The following PRELID2 variants were observed in gnomAD, a reference collection of about 807,000 sequenced individuals.
The protein encoded by PRELID2 is PRELI domain-containing protein 2.
In PRELID2, 25 loss-of-function variants were observed where a neutral mutation model predicts 28.4. The ratio of observed to expected loss-of-function variants is 0.88; its 90% CI spans 0.64 to 1.23. The LOEUF is 1.23. PRELID2 is among the 50% of genes most tolerant of loss of function. The probability of loss-of-function intolerance (pLI) is 0.00; values close to 1 mark genes in which losing one functional copy is unlikely to be tolerated. For missense variants in PRELID2, 201 were observed against 214.4 expected (o/e 0.94, Z 0.39); for synonymous variants, 76 against 71.6 (o/e 1.06, Z -0.31).
intron 1 of PRELID2, among the ~76,000 whole-genome samples, chr5:145,546,516 A>G (rs917259987): frequency 2.0e-5 from 3 of 152,160 alleles, no homozygotes; most frequent in Non-Finnish European, 2.9e-5. Flanking sequence ...ACCTGAAGTA[A>G]AATCACAGTG....
chr5:145,230,000 C>T, the PRELID2 span: 33,716 of 730,798 alleles, frequency 0.046, 2,224 homozygotes, highest in African/African-American at 0.25. Context: ...TCAACATCAA[C>T]TCCCTCAGAC....
chr5:145,303,954 A>G, the PRELID2 span, among the ~76,000 whole-genome samples: 1 of 152,200 alleles, frequency 6.6e-6, no homozygotes, highest in African/African-American at 2.4e-5. Context: ...TTATCAGAGT[A>G]TGATAGAATC....
intron 1 of PRELID2, among the ~76,000 whole-genome samples, chr5:145,517,224 T>G (rs577251233): frequency 6.6e-6 from 1 of 152,124 alleles, no homozygotes; most frequent in Non-Finnish European, 1.5e-5. Context: ...GAGAAAATTT[T>G]TGCAATCTAT....
chr5:145,732,664 C>T (rs1402347562), intron 1 of PRELID2, among the ~76,000 whole-genome samples: 1 of 152,122 alleles, frequency 6.6e-6, no homozygotes, highest in Non-Finnish European at 1.5e-5. Context: ...TATAGATCCT[C>T]TAGTATCCAA....
At chr5:145,761,013 T>C (rs776026903) in intron 6 of PRELID2, among the ~76,000 whole-genome samples, 7 of 152,262 alleles carry the variant, frequency 4.6e-5, no homozygotes, top group South Asian at 2.1e-4. Flanking sequence ...TTTCTCATTT[T>C]CAAATGCCCA....
At chr5:145,325,262 C>A in the PRELID2 span, among the ~76,000 whole-genome samples, 6 of 152,158 alleles carry the variant, frequency 3.9e-5, no homozygotes, top group Admixed American at 2.0e-4. Flanking sequence ...TATATTATTT[C>A]TCAGGCATAA....
At chr5:145,438,941 A>G in the PRELID2 span, among the ~76,000 whole-genome samples, 1 of 152,224 alleles carries the variant, frequency 6.6e-6, no homozygotes, top group East Asian at 1.9e-4. Context: ...CCATAATCAC[A>G]CAGTGTGCTG....
intron 1 of PRELID2, among the ~76,000 whole-genome samples, chr5:145,735,420 C>A (rs897142373): frequency 1.3e-5 from 2 of 151,986 alleles, no homozygotes; most frequent in Non-Finnish European, 2.9e-5. Context: ...TGAGTCATAA[C>A]ATAGTTTACT....
chr5:145,683,900 A>G (rs1754986608), intron 1 of PRELID2, among the ~76,000 whole-genome samples: 1 of 152,002 alleles, frequency 6.6e-6, no homozygotes, highest in Non-Finnish European at 1.5e-5. Context: ...GCTTATTGGT[A>G]TTATTATTAT....
At chr5:145,500,748 G>T (rs1258650436) in intron 1 of PRELID2, among the ~76,000 whole-genome samples, 1 of 152,164 alleles carries the variant, frequency 6.6e-6, no homozygotes, top group South Asian at 2.1e-4. Flanking sequence ...AGCATGGATT[G>T]TGTTAAGTTT....
the PRELID2 span, among the ~76,000 whole-genome samples, chr5:145,425,424 T>C: frequency 6.6e-6 from 1 of 152,180 alleles, no homozygotes; most frequent in Non-Finnish European, 1.5e-5. Context: ...CAAAGGAATA[T>C]AAATCATTCT....
chr5:145,832,267 C>A (rs1755641575), intron 1 of PRELID2, among the ~76,000 whole-genome samples: 2 of 152,104 alleles, frequency 1.3e-5, no homozygotes, highest in Admixed American at 6.5e-5. Context: ...CTCACTGCAA[C>A]CTCCATCTCT....
intron 5 of PRELID2, among the ~76,000 whole-genome samples, chr5:145,773,659 C>A (rs1035953512): frequency 1.3e-5 from 2 of 152,208 alleles, no homozygotes; most frequent in Non-Finnish European, 2.9e-5. Flanking sequence ...TGGCACCAGA[C>A]CATCCCAGTA....
chr5:145,490,027 A>T (rs1233854528), intron 1 of PRELID2, among the ~76,000 whole-genome samples: 1 of 152,206 alleles, frequency 6.6e-6, no homozygotes, highest in East Asian at 1.9e-4. Flanking sequence ...CAGATGATAC[A>T]TCTGTGCTAT....
chr5:145,711,543 T>C (rs2149710233), intron 1 of PRELID2, among the ~76,000 whole-genome samples: 1 of 152,318 alleles, frequency 6.6e-6, no homozygotes, highest in East Asian at 1.9e-4. Context: ...TGCAGCCACC[T>C]GCCAAGTCTC....
At chr5:145,344,200 A>G in the PRELID2 span, among the ~76,000 whole-genome samples, 2 of 152,064 alleles carry the variant, frequency 1.3e-5, no homozygotes, top group East Asian at 1.9e-4. Context: ...CAAGGACACA[A>G]CAACAACAAA....
chr5:145,521,079 G>T (rs1752559374), intron 1 of PRELID2, among the ~76,000 whole-genome samples: 2 of 152,210 alleles, frequency 1.3e-5, no homozygotes, highest in Non-Finnish European at 2.9e-5. Context: ...GGCTTTCATG[G>T]GTAAGGACAG....
chr5:145,279,592 C>T, the PRELID2 span, among the ~76,000 whole-genome samples: 6 of 152,174 alleles, frequency 3.9e-5, no homozygotes, highest in Middle Eastern at 3.4e-3. Context: ...AACTCTAGTG[C>T]CTAAAATTAA....
At chr5:145,313,647 A>G in the PRELID2 span, among the ~76,000 whole-genome samples, 5 of 152,264 alleles carry the variant, frequency 3.3e-5, no homozygotes, top group Middle Eastern at 3.4e-3. Flanking sequence ...AAGAGAGAGG[A>G]TAGATATCAC....
Sources: gnomAD v4.1 joint callset for allele counts (sites outside exome capture counted in the v4.1 genomes callset) on GRCh38, gnomAD v4.1.1 for gene constraint, MANE v1.5 for transcripts, NCBI Gene and HGNC (gene_info 2026-07-23, HGNC 2026-07-21) for gene names.